The following ITSN2 variants were observed in gnomAD, a reference collection of about 807,000 sequenced individuals.
ITSN2 encodes the protein intersectin 2.
A neutral mutation model predicts 243.7 loss-of-function variants in ITSN2; 156 were observed. The observed-to-expected ratio is 0.64, with a 90% CI of 0.56 to 0.73. The LOEUF (loss-of-function observed/expected upper bound fraction) is 0.73, where lower values mean the gene tolerates loss of function less well. ITSN2 is among the 30% of genes least tolerant of loss of function. The pLI is 0.00. For missense variants in ITSN2, 1,801 were observed against 1,996.1 expected (o/e 0.90, Z 1.86); for synonymous variants, 703 against 699.9 (o/e 1.00, Z -0.07).
chr2:24,340,187 G>C (rs1204103987), intron 1 of ITSN2, among the ~76,000 whole-genome samples: 1 of 152,024 alleles, frequency 6.6e-6, no homozygotes, highest in Non-Finnish European at 1.5e-5. Flanking sequence ...ACAGTATAAA[G>C]TTGAATGTAC....
Position 24,310,627 on chromosome 2 carries a change from A to G in ITSN2, c.418T>C (p.Leu140=). The part of the protein sequence containing the change: ...PLPPAAPITS[L]SSATSGTNLP... ...TTGGTCCCTGAAGTCGCAGAAGACAATGATGTTATAGGTGCAGCTGGAGGC... is the reference window on the plus strand; with the variant it reads ...TTGGTCCCTGAAGTCGCAGAAGACAGTGATGTTATAGGTGCAGCTGGAGGC... The change falls in exon 6 of 40, where the codon TTG becomes CTG. Residue 140 remains leucine, a synonymous_variant. Coordinates refer to ENST00000355123, the MANE Select transcript of ITSN2 (RefSeq NM_006277.3). The G allele has an allele frequency of 6.2e-7, 1 of 1,614,198 alleles. No homozygotes were observed. Among genetic ancestry groups the G allele is most frequent in the Non-Finnish European group, 8.5e-7 (1 of 1,180,030 alleles).
intron 29 of ITSN2, among the ~76,000 whole-genome samples, chr2:24,226,018 C>G (rs1670996831): frequency 1.3e-5 from 2 of 152,160 alleles, no homozygotes; most frequent in Admixed American, 1.3e-4. Flanking sequence ...TTGTATCTGT[C>G]TTTTAACATT....
At chr2:24,217,736 G>A (rs886679346) in intron 31 of ITSN2, among the ~76,000 whole-genome samples, 171 bp downstream of exon 31, 3 of 151,990 alleles carry the variant, frequency 2.0e-5, no homozygotes, top group East Asian at 1.9e-4. Context: ...CAATACTTAT[G>A]TATTTTACAG....
intron 12 of ITSN2, 144 bp from the exon 13 acceptor site, chr2:24,298,958 A>T: frequency 1.8e-6 from 1 of 555,962 alleles, no homozygotes; most frequent in Non-Finnish European, 3.0e-6. Context: ...ATCTAGTTTT[A>T]TTAATGGGCT....
At chr2:24,266,810 G>C (rs922864425) in intron 20 of ITSN2, among the ~76,000 whole-genome samples, 3 of 151,062 alleles carry the variant, frequency 2.0e-5, no homozygotes, top group Non-Finnish European at 4.4e-5. Flanking sequence ...GGTGGTGTGT[G>C]CCTGTAGTCT....
intron 2 of ITSN2, among the ~76,000 whole-genome samples, chr2:24,323,242 C>T (rs985382547): frequency 6.6e-6 from 1 of 151,940 alleles, no homozygotes; most frequent in Non-Finnish European, 1.5e-5. Flanking sequence ...CCAAGAGAAA[C>T]GAAGACCTAT....
rs1372025755 is a variant in ITSN2 at position 24,261,244 on chromosome 2, A to C, written c.2544T>G (p.Leu848=). The change falls in exon 22 of 40, where the codon CTT becomes CTG. Residue 848 remains leucine (L), a synonymous_variant. Transcript: ENST00000355123. The stretch of plus-strand genomic sequence containing the variant: ...TCACTGATGCTGGTTGATTTGAAGA[A>C]AGTGGTCTGCAAATATAACACTTTG... ...LSATSTSSEP[L]SSNQPASVTD... is the part of the protein sequence containing the mutation. 6.2e-7 allele frequency: 1 copy of C among 1,609,250 alleles called. No individual in the cohort carries two copies. Among genetic ancestry groups the C allele is most frequent in the Non-Finnish European group, 8.5e-7 (1 of 1,176,106 alleles).
intron 1 of ITSN2, chr2:24,334,627 G>A: frequency 8.3e-7 from 1 of 1,200,866 alleles, no homozygotes; most frequent in Non-Finnish European, 1.2e-6. Context: ...CAGGGAAAGT[G>A]GTGTTATACA....
intron 27 of ITSN2, among the ~76,000 whole-genome samples, chr2:24,247,255 T>G (rs1673500169): frequency 6.6e-6 from 1 of 152,158 alleles, no homozygotes; most frequent in South Asian, 2.1e-4. Flanking sequence ...CACCAAGGCT[T>G]TGCTGACTGG....
intron 32 of ITSN2, 145 bp downstream of exon 32, chr2:24,215,904 G>A (rs1179046980): frequency 1.7e-5 from 9 of 537,700 alleles, no homozygotes; most frequent in Admixed American, 1.2e-4. Context: ...CAAAACAATC[G>A]GAAAATTCTC....
At chr2:24,325,099 G>T (rs1685017584) in intron 2 of ITSN2, among the ~76,000 whole-genome samples, 1 of 151,978 alleles carries the variant, frequency 6.6e-6, no homozygotes, top group South Asian at 2.1e-4. Flanking sequence ...AATGCACCAA[G>T]AATTTTCTAG....
intron 2 of ITSN2, among the ~76,000 whole-genome samples, chr2:24,325,167 T>A (rs1346755513): frequency 6.6e-6 from 1 of 152,064 alleles, no homozygotes; most frequent in East Asian, 1.9e-4. Flanking sequence ...CCAAGCACTT[T>A]GGGAGGCTAA....
At chr2:24,210,586 G>T (rs1669365750) in intron 34 of ITSN2, among the ~76,000 whole-genome samples, 194 bp downstream of exon 34, 1 of 139,602 alleles carries the variant, frequency 7.2e-6, no homozygotes, top group East Asian at 2.1e-4. Context: ...CTGCACTCCA[G>T]CCTGGGCAAC....
At chr2:24,326,252 A>C (rs1238070939) in intron 2 of ITSN2, among the ~76,000 whole-genome samples, 1 of 152,204 alleles carries the variant, frequency 6.6e-6, no homozygotes. Flanking sequence ...CCAACATTTT[A>C]GATGATTATT....
Position 24,257,899 on chromosome 2 carries a change from T to A in ITSN2, c.2877A>T (p.Val959=). 6.2e-7 allele frequency: 1 copy of A among 1,613,270 alleles called. No individual in the cohort carries two copies. The highest frequency in any genetic ancestry group is 8.5e-7 in the Non-Finnish European group (1 of 1,179,180). Residue 959 remains valine, a synonymous_variant, in exon 23 of 40, where the codon GTA becomes GTT. Coordinates refer to ENST00000355123, the MANE Select transcript of ITSN2 (RefSeq NM_006277.3). ...ATAAAGATGCTTACTCTTCCCGTTTTACTTCACTCCCAGGAATGATCTTGA... is the reference window on the plus strand; with the variant it reads ...ATAAAGATGCTTACTCTTCCCGTTTAACTTCACTCCCAGGAATGATCTTGA... ...SYVKIIPGSE[V]KREEPEALYA...
chr2:24,343,058 T>C (rs1442193788), intron 1 of ITSN2, among the ~76,000 whole-genome samples: 1 of 145,836 alleles, frequency 6.9e-6, no homozygotes, highest in African/African-American at 2.6e-5. Context: ...GCCACTGTAC[T>C]CCAGCCTGAG....
At chr2:24,207,718 TG>T (rs1669050161) in intron 37 of ITSN2, among the ~76,000 whole-genome samples, 1 of 149,678 alleles carries the variant, frequency 6.7e-6, no homozygotes, top group Non-Finnish European at 1.5e-5. Flanking sequence ...GTGTCACTGG[TG>T]GGGACAGGAC....
chr2:24,248,729 G>A lies in ITSN2; in HGVS notation c.3188C>T (p.Ala1063Val), dbSNP rs1486763383. 1 of 1,613,516 alleles carries A rather than the reference G, an allele frequency of 6.2e-7. No homozygotes were observed. Among genetic ancestry groups the A allele is most frequent in the South Asian group, 1.1e-5 (1 of 91,018 alleles). Reference sequence around the variant, plus strand: ...TTGTTCAGAACCAGAAGCAACATATGCTGAAGTTACCTGAGCAATCTCTGA... The same window carrying A: ...TTGTTCAGAACCAGAAGCAACATATACTGAAGTTACCTGAGCAATCTCTGA... ...KKPEIAQVTS[A>V]YVASGSEQLS... The change falls in exon 27 of 40, where the codon GCA (alanine) becomes GTA (valine). Residue 1063 changes from alanine to valine, a missense_variant. Coordinates refer to ENST00000355123, the MANE Select transcript of ITSN2 (RefSeq NM_006277.3).
At chr2:24,356,340 TG>T (rs1174045063) in intron 1 of ITSN2, among the ~76,000 whole-genome samples, 1 of 110,624 alleles carries the variant, frequency 9.0e-6, no homozygotes, top group Non-Finnish European at 1.8e-5. Flanking sequence ...AGCAAGACCC[TG>T]TCTCAAAAAA....
Sources: allele counts gnomAD v4.1 joint callset (sites outside exome capture counted in the v4.1 genomes callset), GRCh38; gene constraint gnomAD v4.1.1; transcripts MANE v1.5; gene names NCBI Gene and HGNC (gene_info 2026-07-23, HGNC 2026-07-21).